The following DLG2 variants were observed in gnomAD, a reference collection of about 807,000 sequenced individuals.
DLG2 encodes discs large MAGUK scaffold protein 2.
DLG2 carries 45 observed loss-of-function variants against 132.5 expected under a neutral mutation model. The ratio of observed to expected loss-of-function variants is 0.34; its 90% CI spans 0.27 to 0.44. The LOEUF (loss-of-function observed/expected upper bound fraction) is 0.44, where lower values mean the gene tolerates loss of function less well. Among genes scored for constraint, DLG2 ranks in the 20% least tolerant of loss-of-function variants. The pLI, the probability that DLG2 is intolerant of heterozygous loss-of-function variation, is 1.00. For synonymous variants in DLG2, 424 were observed against 419.6 expected, an observed-to-expected ratio of 1.01 and a Z score of -0.13; for missense variants, 1,045 against 1,196.9, an observed-to-expected ratio of 0.87 and a Z score of 1.87.
intron 21 of DLG2, among the ~76,000 whole-genome samples, chr11:83,516,630 T>TA (rs1464868300): frequency 2.0e-5 from 3 of 152,240 alleles, no homozygotes; most frequent in African/African-American, 7.2e-5. Context: ...CAACGGTCTT[T>TA]ACAATTTGGC....
intron 7 of DLG2, among the ~76,000 whole-genome samples, chr11:84,506,665 A>C (rs1287640612): frequency 6.6e-6 from 1 of 152,214 alleles, no homozygotes; most frequent in Non-Finnish European, 1.5e-5. Flanking sequence ...GTAAGATAAT[A>C]AATTTGTGTT....
At chr11:85,370,853 A>G (rs1337056887) in intron 3 of DLG2, among the ~76,000 whole-genome samples, 1 of 152,164 alleles carries the variant, frequency 6.6e-6, no homozygotes, top group East Asian at 1.9e-4. Flanking sequence ...TAGGTTATAT[A>G]TTGGTACTAT....
At chr11:85,111,786 G>A (rs553505045) in intron 5 of DLG2, 51 bp from the exon 6 acceptor site, 1 of 1,327,640 alleles carries the variant, frequency 7.5e-7, no homozygotes, top group East Asian at 2.5e-5. Flanking sequence ...GGGCCAGTAT[G>A]TATATATGCT....
intron 16 of DLG2, among the ~76,000 whole-genome samples, chr11:83,843,586 T>C (rs554024268): frequency 3.3e-5 from 5 of 149,786 alleles, no homozygotes; most frequent in Admixed American, 6.7e-5. Context: ...ATAAGAGACA[T>C]ACAAACAAAA....
At chr11:84,820,976 A>G (rs1184365828) in intron 6 of DLG2, among the ~76,000 whole-genome samples, 1 of 151,886 alleles carries the variant, frequency 6.6e-6, no homozygotes, top group Non-Finnish European at 1.5e-5. Context: ...CTACCACCCT[A>G]GAAACTTGGC....
At chr11:84,719,006 A>G (rs2061512276) in intron 6 of DLG2, among the ~76,000 whole-genome samples, 1 of 152,236 alleles carries the variant, frequency 6.6e-6, no homozygotes. Flanking sequence ...TGACTTCATG[A>G]AAGACATAAC....
At chr11:84,418,329 C>T (rs2098936952) in intron 7 of DLG2, among the ~76,000 whole-genome samples, 2 of 152,046 alleles carry the variant, frequency 1.3e-5, no homozygotes, top group South Asian at 4.1e-4. Flanking sequence ...TGTGAAGTGA[C>T]AGTGGAAAAG....
intron 19 of DLG2, among the ~76,000 whole-genome samples, chr11:83,621,274 T>C (rs1024324188): frequency 6.6e-6 from 1 of 152,164 alleles, no homozygotes; most frequent in Non-Finnish European, 1.5e-5. Context: ...ATTTTTTTTT[T>C]CTTAATTGTA....
intron 6 of DLG2, among the ~76,000 whole-genome samples, chr11:85,030,836 C>T (rs2060938946): frequency 6.6e-6 from 1 of 151,668 alleles, no homozygotes; most frequent in South Asian, 2.1e-4. Context: ...TTTTTATTTT[C>T]TTCAGTTTAA....
In DLG2 at chr11:85,564,375, A is replaced by C. The variant is rs374268177; in HGVS notation, c.40+34282T>G. Among the ~76,000 whole-genome samples the C allele has an allele frequency of 6.5e-4, 99 of 151,796 alleles. 1 individual carries two copies. The South Asian group carries it at 0.02, about 31-fold the overall frequency. On this transcript the variant is annotated intron_variant, in intron 3 of 27. Transcript: ENST00000376104. ...TCCTATGTTTTCTTCTGGAGGTTTT[A>C]TATTTTCAGTTCTTGTGCTTAGGTC...
intron 7 of DLG2, among the ~76,000 whole-genome samples, chr11:84,265,205 T>C (rs1306071820): frequency 6.6e-6 from 1 of 152,176 alleles, no homozygotes; most frequent in Non-Finnish European, 1.5e-5. Context: ...ATGAGGACAT[T>C]ATGCAATTTG....
chr11:83,486,349 T>G, intron 21 of DLG2: 1 of 549,062 alleles, frequency 1.8e-6, no homozygotes, highest in Non-Finnish European at 3.2e-6. Flanking sequence ...TGACTTGTCA[T>G]GCAAAAAAAA....
intron 3 of DLG2, among the ~76,000 whole-genome samples, chr11:85,506,371 C>T (rs993259918): frequency 5.9e-5 from 9 of 152,184 alleles, no homozygotes; most frequent in Non-Finnish European, 1.3e-4. Flanking sequence ...AAATTTCCCT[C>T]TACACACTGC....
intron 7 of DLG2, among the ~76,000 whole-genome samples, chr11:84,504,824 A>G (rs1409301810): frequency 1.8e-5 from 1 of 55,954 alleles, no homozygotes; most frequent in Non-Finnish European, 3.4e-5. Flanking sequence ...TAGCAGCAAC[A>G]TCTATAATTG....
intron 8 of DLG2, among the ~76,000 whole-genome samples, chr11:84,186,721 G>A (rs972960917): frequency 3.3e-5 from 5 of 151,830 alleles, no homozygotes; most frequent in African/African-American, 1.2e-4. Flanking sequence ...AATATAATCA[G>A]AATGAATGAG....
intron 3 of DLG2, among the ~76,000 whole-genome samples, chr11:85,473,057 C>T (rs79249710): frequency 0.024 from 3,678 of 152,310 alleles, 141 homozygotes; most frequent in African/African-American, 0.082. Context: ...TGTCTAGACA[C>T]GGGCGTCTAA....
At chr11:84,188,613 T>C (rs771689031) in intron 8 of DLG2, among the ~76,000 whole-genome samples, 4 of 152,120 alleles carry the variant, frequency 2.6e-5, no homozygotes, top group Admixed American at 6.6e-5. Flanking sequence ...TGAGCTAATA[T>C]TGGAGTGAAA....
intron 3 of DLG2, among the ~76,000 whole-genome samples, chr11:85,481,694 T>C (rs1483365435): frequency 6.6e-6 from 1 of 151,294 alleles, no homozygotes; most frequent in Non-Finnish European, 1.5e-5. Context: ...CCCCAGTCTG[T>C]AGACTGCCCC....
At chr11:84,204,836 G>T (rs1443376580) in intron 8 of DLG2, among the ~76,000 whole-genome samples, 1 of 152,078 alleles carries the variant, frequency 6.6e-6, no homozygotes, top group Non-Finnish European at 1.5e-5. Context: ...TAAGTAGCTG[G>T]GATTATAGGC....
Sources: gnomAD v4.1 joint callset for allele counts (sites outside exome capture counted in the v4.1 genomes callset) on GRCh38, gnomAD v4.1.1 for gene constraint, MANE v1.5 for transcripts, NCBI Gene and HGNC (gene_info 2026-07-23, HGNC 2026-07-21) for gene names.